DPYD: variants seen among roughly 807,000 people sequenced by gnomAD.
DPYD encodes the protein dihydropyrimidine dehydrogenase, also known as dihydropyrimidine dehydrogenase [NADP(+)].
DPYD carries 109 observed loss-of-function variants against 116.2 expected under a neutral mutation model. That is an observed-to-expected ratio of 0.94 (90% CI 0.80 to 1.10). The LOEUF (loss-of-function observed/expected upper bound fraction) is 1.10, where lower values mean the gene tolerates loss of function less well. Ranked by LOEUF, DPYD falls within the 50% of genes least tolerant of loss-of-function variation. The pLI is 0.00. For synonymous variants in DPYD, 440 were observed against 432.0 expected (o/e 1.02, Z -0.23); for missense variants, 1,302 against 1,254.5 (o/e 1.04, Z -0.57).
intron 4 of DPYD, among the ~76,000 whole-genome samples, chr1:97,728,360 T>A (rs1663387500): frequency 1.3e-5 from 2 of 152,066 alleles, no homozygotes; most frequent in African/African-American, 4.8e-5. Flanking sequence ...AATAATTTAA[T>A]TTCTATACTT....
intron 13 of DPYD, among the ~76,000 whole-genome samples, chr1:97,478,233 C>A (rs1334599673): frequency 1.3e-5 from 2 of 152,282 alleles, no homozygotes; most frequent in South Asian, 2.1e-4. Context: ...ATCCAAACTT[C>A]ATTCTTCCAG....
intron 18 of DPYD, among the ~76,000 whole-genome samples, chr1:97,282,855 T>C (rs1454936268): frequency 1.3e-5 from 2 of 152,170 alleles, no homozygotes; most frequent in African/African-American, 4.8e-5. Flanking sequence ...CTTAGGATAA[T>C]GGCCTCCAGC....
chr1:97,295,145 A>G (rs1163807105), intron 18 of DPYD, among the ~76,000 whole-genome samples: 1 of 152,198 alleles, frequency 6.6e-6, no homozygotes, highest in East Asian at 1.9e-4. Context: ...TTAAGTATCT[A>G]GACTTGAGTC....
chr1:97,148,849 G>A (rs116160544), intron 20 of DPYD, among the ~76,000 whole-genome samples: 5 of 152,134 alleles, frequency 3.3e-5, no homozygotes, highest in East Asian at 1.9e-4. Flanking sequence ...TCCTTTACAA[G>A]TATATCCTTT....
At chr1:97,606,917 C>T (rs1655636375) in intron 8 of DPYD, among the ~76,000 whole-genome samples, 1 of 151,932 alleles carries the variant, frequency 6.6e-6, no homozygotes, top group Admixed American at 6.6e-5. Context: ...ATAAACACAG[C>T]TTACCCTCCT....
chr1:97,114,162 C>G (rs1038270520), intron 20 of DPYD, among the ~76,000 whole-genome samples: 1 of 152,034 alleles, frequency 6.6e-6, no homozygotes, highest in Non-Finnish European at 1.5e-5. Context: ...CAGCATTATC[C>G]CAGAAAACGA....
chr1:97,151,139 T>G (rs977669970), intron 20 of DPYD, among the ~76,000 whole-genome samples: 1 of 152,222 alleles, frequency 6.6e-6, no homozygotes, highest in Non-Finnish European at 1.5e-5. Flanking sequence ...TCTCGTAACA[T>G]TCTTCTATGA....
chr1:97,153,210 C>T (rs1655163597), intron 20 of DPYD, among the ~76,000 whole-genome samples: 1 of 152,006 alleles, frequency 6.6e-6, no homozygotes, highest in South Asian at 2.1e-4. Context: ...AGTCTAGAAC[C>T]TAATGAGCTG....
intron 2 of DPYD, among the ~76,000 whole-genome samples, chr1:97,832,575 A>T (rs1381882045): frequency 6.6e-6 from 1 of 152,174 alleles, no homozygotes; most frequent in South Asian, 2.1e-4. Flanking sequence ...TTTTGCATGC[A>T]ACAGTCTTTA....
chr1:97,336,397 C>T (rs1054857157), intron 16 of DPYD, among the ~76,000 whole-genome samples: 2 of 152,156 alleles, frequency 1.3e-5, no homozygotes, highest in African/African-American at 4.8e-5. Flanking sequence ...TCGATACCTA[C>T]TAGGTTCTCA....
chr1:97,798,311 T>C (rs1667681250), intron 3 of DPYD, among the ~76,000 whole-genome samples: 1 of 151,960 alleles, frequency 6.6e-6, no homozygotes, highest in African/African-American at 2.4e-5. Context: ...AAATTAATTT[T>C]TAAACTTTTA....
intron 20 of DPYD, among the ~76,000 whole-genome samples, chr1:97,139,512 T>C (rs539840864): frequency 1.1e-4 from 17 of 152,300 alleles, no homozygotes; most frequent in Admixed American, 7.2e-4. Context: ...GTTCTATTCA[T>C]GGATTTAAAA....
At chr1:97,235,532 G>T (rs1216800253) in intron 18 of DPYD, among the ~76,000 whole-genome samples, 26 of 152,132 alleles carry the variant, frequency 1.7e-4, no homozygotes, top group Non-Finnish European at 1.5e-5. Flanking sequence ...GCTGAGGCAG[G>T]AAAACTGCTT....
At chr1:97,122,466 T>A (rs1422386895) in intron 20 of DPYD, among the ~76,000 whole-genome samples, 1 of 152,170 alleles carries the variant, frequency 6.6e-6, no homozygotes, top group Non-Finnish European at 1.5e-5. Context: ...GCAGTAAATG[T>A]AGAATATTCT....
intron 12 of DPYD, among the ~76,000 whole-genome samples, chr1:97,531,090 T>A (rs144626202): frequency 0.01 from 1,534 of 152,338 alleles, 30 homozygotes; most frequent in African/African-American, 0.035. Flanking sequence ...GATTGTTTCC[T>A]TAGCTATGCA....
intron 4 of DPYD, among the ~76,000 whole-genome samples, chr1:97,722,734 A>T (rs1662992864): frequency 6.6e-6 from 1 of 151,606 alleles, no homozygotes. Flanking sequence ...ATGATAACAA[A>T]AAGGAACAAT....
chr1:97,522,636 G>A (rs1053729151), intron 12 of DPYD, among the ~76,000 whole-genome samples: 8 of 151,680 alleles, frequency 5.3e-5, no homozygotes, highest in East Asian at 1.9e-4. Context: ...GGAGAATGGC[G>A]TGAACCCGGA....
intron 14 of DPYD, among the ~76,000 whole-genome samples, chr1:97,414,913 T>A (rs1674208036): frequency 6.6e-6 from 1 of 152,262 alleles, no homozygotes; most frequent in African/African-American, 2.4e-5. Flanking sequence ...TTTAGGCAAC[T>A]GCAAATAATC....
chr1:97,693,305 AAAAAAAAAAAAAC>A (rs1661122668), intron 6 of DPYD, among the ~76,000 whole-genome samples: 1 of 115,106 alleles, frequency 8.7e-6, no homozygotes, highest in Non-Finnish European at 2.1e-5. Flanking sequence ...AAAAAAAAAA[AAAAAAAAAAAAAC>A]CAAAAAAGAA....
Sources: allele counts gnomAD v4.1 joint callset (sites outside exome capture counted in the v4.1 genomes callset), GRCh38; gene constraint gnomAD v4.1.1; transcripts MANE v1.5; gene names NCBI Gene and HGNC (gene_info 2026-07-23, HGNC 2026-07-21).